Variants in ZZZ3 observed in about 807,000 individuals in gnomAD.
The protein encoded by ZZZ3 is ZZ-type zinc finger-containing protein 3.
Under a neutral mutation model 95.2 loss-of-function variants are expected in ZZZ3, and 22 were observed. The observed-to-expected ratio is 0.23, with a 90% confidence interval of 0.17 to 0.33. The LOEUF (loss-of-function observed/expected upper bound fraction) is 0.33, where lower values mean the gene tolerates loss of function less well. Ranked by LOEUF, ZZZ3 falls within the 10% of genes least tolerant of loss-of-function variation. The pLI is 1.00. For synonymous variants in ZZZ3, 335 were observed against 358.9 expected (o/e 0.93, Z 0.75); for missense variants, 885 against 1,066.5 (o/e 0.83, Z 2.37).
intron 6 of ZZZ3, 29 bp from the exon 7 acceptor site, chr1:77,582,155 A>C: frequency 1.3e-6 from 2 of 1,566,008 alleles, no homozygotes; most frequent in Non-Finnish European, 1.7e-6. Context: ...AAACAAAATA[A>C]AGTAAAAGTC....
chr1:77,610,224 A>G (rs2100726261), intron 5 of ZZZ3, among the ~76,000 whole-genome samples: 1 of 151,968 alleles, frequency 6.6e-6, no homozygotes, highest in South Asian at 2.1e-4. Flanking sequence ...GAAAATCTGG[A>G]ATAGATAAAT....
intron 5 of ZZZ3, among the ~76,000 whole-genome samples, chr1:77,606,214 C>A (rs75006551): frequency 0.023 from 3,481 of 152,270 alleles, 100 homozygotes; most frequent in African/African-American, 0.08. Context: ...GTACTCCCCA[C>A]GGGCCTGTGG....
At position 77,630,163 on chromosome 1, in the gene ZZZ3, T is replaced by TAA. The variant is rs113858067; in HGVS notation, c.1505+1685_1505+1686dup. On this transcript the variant is annotated intron_variant, in intron 5 of 14. Coordinates refer to ENST00000370801, the MANE Select transcript of ZZZ3 (RefSeq NM_015534.6). ...ACGCTCTCCTTCCCTGCACTGCAGA[T>TAA]AAACAGGTCTACTTTTAAAAACTGA... Among the ~76,000 whole-genome samples, 233 of 152,286 alleles carry TAA rather than the reference T, an allele frequency of 1.5e-3. 2 individuals carry two copies. Among genetic ancestry groups the TAA allele is most frequent in the African/African-American group, 5.3e-3 (222 of 41,564 alleles).
At chr1:77,624,119 G>A (rs1346178477) in intron 5 of ZZZ3, among the ~76,000 whole-genome samples, 1 of 152,148 alleles carries the variant, frequency 6.6e-6, no homozygotes, top group Non-Finnish European at 1.5e-5. Flanking sequence ...TCTACTCCCA[G>A]TTCTGGGCAT....
chr1:77,573,932 A>T (rs1259962484), intron 12 of ZZZ3, among the ~76,000 whole-genome samples: 1 of 151,790 alleles, frequency 6.6e-6, no homozygotes, highest in East Asian at 1.9e-4. Context: ...AGGAATAGTA[A>T]ATAATAAAAA....
intron 5 of ZZZ3, among the ~76,000 whole-genome samples, chr1:77,601,430 C>A (rs565537953): frequency 2.0e-5 from 3 of 151,766 alleles, no homozygotes; most frequent in Non-Finnish European, 4.4e-5. Flanking sequence ...CAAGAAATTG[C>A]GATGGGAAGA....
rs544170750 is a variant in ZZZ3 at position 77,631,154 on chromosome 1, A to G, written c.1505+696T>C. Reference sequence around the variant, plus strand: ...GAAATATTGTGAAAAATTTGGATACAGAATTCTTTATTTACAACAGTGACT... The same window carrying G: ...GAAATATTGTGAAAAATTTGGATACGGAATTCTTTATTTACAACAGTGACT... On this transcript the variant is annotated intron_variant, in intron 5 of 14. Coordinates refer to ENST00000370801, the MANE Select transcript of ZZZ3 (RefSeq NM_015534.6). 9.2e-4 allele frequency among the ~76,000 whole-genome samples: 140 copies of G among 152,354 alleles called. 1 individual carries two copies. The highest frequency in any genetic ancestry group is 2.4e-3 in the Admixed American group (36 of 15,302).
intron 1 of ZZZ3, among the ~76,000 whole-genome samples, chr1:77,665,913 C>T (rs749190449): frequency 2.0e-5 from 3 of 152,134 alleles, no homozygotes; most frequent in Non-Finnish European, 4.4e-5. Flanking sequence ...TGGTGGCACA[C>T]GCCTGTAATC....
intron 4 of ZZZ3, 71 bp from the exon 5 acceptor site, chr1:77,633,476 A>G (rs184453918): frequency 5.1e-6 from 5 of 987,930 alleles, no homozygotes; most frequent in African/African-American, 4.9e-5. Flanking sequence ...GTATAAAGCT[A>G]TAACTTTTTA....
chr1:77,638,213 C>T (rs915692294), intron 4 of ZZZ3, among the ~76,000 whole-genome samples: 3 of 152,086 alleles, frequency 2.0e-5, no homozygotes, highest in African/African-American at 4.8e-5. Context: ...ACTAGTCAAC[C>T]GAATTTCAAC....
intron 5 of ZZZ3, among the ~76,000 whole-genome samples, chr1:77,611,847 C>T (rs1665843765): frequency 6.6e-6 from 1 of 151,830 alleles, no homozygotes; most frequent in African/African-American, 2.4e-5. Flanking sequence ...AGTGAAAGAC[C>T]TAAATATAAG....
chr1:77,645,002 C>A (rs1168995555), intron 1 of ZZZ3, among the ~76,000 whole-genome samples: 1 of 152,040 alleles, frequency 6.6e-6, no homozygotes, highest in African/African-American at 2.4e-5. Flanking sequence ...GCAGAAGGAT[C>A]ACTTTGAGGC....
intron 1 of ZZZ3, among the ~76,000 whole-genome samples, chr1:77,679,858 T>C (rs1223779597): frequency 1.3e-5 from 2 of 152,236 alleles, no homozygotes; most frequent in Non-Finnish European, 2.9e-5. Flanking sequence ...AGTATATTTC[T>C]ACCAAGTACC....
intron 4 of ZZZ3, among the ~76,000 whole-genome samples, chr1:77,634,968 A>C (rs980395100): frequency 1.3e-5 from 2 of 152,208 alleles, no homozygotes. Context: ...AAAGTTTCAC[A>C]GTCCCTTCCT....
chr1:77,669,753 C>T (rs1438380286), intron 1 of ZZZ3, among the ~76,000 whole-genome samples: 1 of 151,930 alleles, frequency 6.6e-6, no homozygotes, highest in African/African-American at 2.4e-5. Context: ...CCACTGCGCC[C>T]CGGCCTCTCC....
chr1:77,566,244 C>G, intron 13 of ZZZ3, 63 bp from the exon 14 acceptor site: 1 of 1,115,190 alleles, frequency 9.0e-7, no homozygotes, highest in Non-Finnish European at 1.3e-6. Flanking sequence ...TTTTATTTTC[C>G]ACAAGGAAAC....
intron 5 of ZZZ3, among the ~76,000 whole-genome samples, chr1:77,596,152 A>G (rs1664194666): frequency 1.3e-5 from 2 of 152,132 alleles, no homozygotes; most frequent in African/African-American, 2.4e-5. Flanking sequence ...TGCTGCAGAG[A>G]GGTGGTATAT....
intron 10 of ZZZ3, 44 bp from the exon 11 acceptor site, chr1:77,578,913 C>A (rs1394905021): frequency 1.6e-6 from 2 of 1,285,262 alleles, no homozygotes. Flanking sequence ...AGATGACATA[C>A]AATACCTGAG....
intron 12 of ZZZ3, among the ~76,000 whole-genome samples, chr1:77,575,471 C>G (rs1470810159): frequency 3.3e-5 from 5 of 152,180 alleles, no homozygotes; most frequent in Non-Finnish European, 7.3e-5. Context: ...ACATCTGAAT[C>G]TCATCAATGC....
Sources: allele counts gnomAD v4.1 joint callset (sites outside exome capture counted in the v4.1 genomes callset), GRCh38; gene constraint gnomAD v4.1.1; transcripts MANE v1.5; gene names NCBI Gene and HGNC (gene_info 2026-07-23, HGNC 2026-07-21).